MYH15: variants seen among roughly 807,000 people sequenced by gnomAD.
MYH15 encodes the protein myosin-15.
Under a neutral mutation model 240.5 loss-of-function variants are expected in MYH15, and 227 were observed. The observed-to-expected ratio is 0.94, with a 90% CI of 0.85 to 1.05. The LOEUF is 1.05. Ranked by LOEUF, MYH15 falls within the 50% of genes least tolerant of loss-of-function variation. The pLI is 0.00. For missense variants in MYH15, 2,217 were observed against 2,247.5 expected, an observed-to-expected ratio of 0.99 and a Z score of 0.27; for synonymous variants, 785 against 796.7, an observed-to-expected ratio of 0.99 and a Z score of 0.25.
In MYH15 at chr3:108,421,094, C is replaced by T. The variant is rs1380182896; in HGVS notation, c.3823G>A (p.Glu1275Lys). The change falls in exon 28 of 41, where the codon GAG (glutamate) becomes AAG (lysine). Residue 1275 changes from glutamate (E) to lysine (K), a missense_variant. Transcript: ENST00000693548. ...LAAQKTKLWS[E>K]SGEFLRRLEE... ...AAGCAGCATACTTACTTACCACTCTCACTCCACAGCTTTGTCTTTTGTGCT... is the reference window on the plus strand; with the variant it reads ...AAGCAGCATACTTACTTACCACTCTTACTCCACAGCTTTGTCTTTTGTGCT... 1.2e-6 allele frequency: 2 copies of T among 1,613,978 alleles called. No homozygotes were observed. Among genetic ancestry groups the T allele is most frequent in the South Asian group, 1.1e-5 (1 of 91,072 alleles).
At chr3:108,508,532 C>A (rs2083496556) in intron 1 of MYH15, among the ~76,000 whole-genome samples, 1 of 152,118 alleles carries the variant, frequency 6.6e-6, no homozygotes, top group African/African-American at 2.4e-5. Flanking sequence ...TATATGATTC[C>A]ATTTTTTAGA....
chr3:108,488,268 G>A (rs1019425787), intron 9 of MYH15, among the ~76,000 whole-genome samples: 15 of 151,972 alleles, frequency 9.9e-5, no homozygotes, highest in Non-Finnish European at 1.9e-4. Context: ...ATGTCCTTCA[G>A]GTTCATTCAT....
intron 38 of MYH15, among the ~76,000 whole-genome samples, chr3:108,386,445 C>T (rs982446988): frequency 6.6e-5 from 10 of 152,086 alleles, no homozygotes; most frequent in African/African-American, 2.2e-4. Context: ...CTTTGGGACC[C>T]GCCACAGCAT....
At chr3:108,465,206 TAG>T (rs1244726481) in intron 14 of MYH15, among the ~76,000 whole-genome samples, 3 of 152,284 alleles carry the variant, frequency 2.0e-5, no homozygotes, top group African/African-American at 4.8e-5. Context: ...AGGTTTTAGA[TAG>T]AGTCATTGGG....
At chr3:108,419,971 G>A (rs2082668877) in intron 28 of MYH15, among the ~76,000 whole-genome samples, 1 of 152,144 alleles carries the variant, frequency 6.6e-6, no homozygotes. Flanking sequence ...TCATAGCAGA[G>A]AGGCAAGTCA....
At chr3:108,424,020 T>C (rs2082706994) in intron 27 of MYH15, among the ~76,000 whole-genome samples, 1 of 152,230 alleles carries the variant, frequency 6.6e-6, no homozygotes, top group Non-Finnish European at 1.5e-5. Context: ...AGGAGGAACA[T>C]ATCCAGGTGT....
chr3:108,399,288 G>A, intron 33 of MYH15, 21 bp from the exon 34 acceptor site: 2 of 1,584,584 alleles, frequency 1.3e-6, no homozygotes, highest in South Asian at 2.2e-5. Context: ...ATAACATTTG[G>A]AGTGGGGGAA....
intron 22 of MYH15, among the ~76,000 whole-genome samples, chr3:108,442,758 A>G (rs2082894632): frequency 9.1e-6 from 1 of 110,134 alleles, no homozygotes; most frequent in South Asian, 3.8e-4. Flanking sequence ...GCAAAGAAGG[A>G]TTTCAAAATA....
the MYH15 span, among the ~76,000 whole-genome samples, chr3:108,537,412 C>T: frequency 2.0e-5 from 3 of 152,146 alleles, no homozygotes; most frequent in South Asian, 6.2e-4. Flanking sequence ...ATTTAATTGC[C>T]AATGTATTAA....
intron 25 of MYH15, among the ~76,000 whole-genome samples, chr3:108,435,111 T>C (rs1008266421): frequency 1.3e-5 from 2 of 152,226 alleles, no homozygotes; most frequent in African/African-American, 4.8e-5. Flanking sequence ...ATTTTTTATA[T>C]TTGTTACAAA....
intron 14 of MYH15, among the ~76,000 whole-genome samples, chr3:108,468,013 T>C (rs2083135621): frequency 6.6e-6 from 1 of 152,052 alleles, no homozygotes; most frequent in African/African-American, 2.4e-5. Flanking sequence ...TTGCCCAGGC[T>C]GGAGTGCAGT....
chr3:108,468,805 C>T (rs1291758444), intron 14 of MYH15, among the ~76,000 whole-genome samples: 1 of 152,152 alleles, frequency 6.6e-6, no homozygotes, highest in Non-Finnish European at 1.5e-5. Context: ...ACGTTCCTGC[C>T]TGAAAACAGT....
chr3:108,513,713 T>C (rs990969977), upstream of MYH15, among the ~76,000 whole-genome samples: 2 of 152,160 alleles, frequency 1.3e-5, no homozygotes, highest in Non-Finnish European at 1.5e-5. Context: ...AATTGAGGAC[T>C]TGAGATGGCA....
chr3:108,465,226 C>A (rs2083104775), intron 14 of MYH15, among the ~76,000 whole-genome samples: 1 of 152,190 alleles, frequency 6.6e-6, no homozygotes, highest in Admixed American at 6.5e-5. Flanking sequence ...GGGTAAGACA[C>A]CTCTCCTGAA....
At position 108,405,463 on chromosome 3, in the gene MYH15, A is replaced by G; in HGVS notation, c.4621-10T>C. 6.9e-7 allele frequency: 1 copy of G among 1,447,118 alleles called. No individual in the cohort carries two copies. The highest frequency in any genetic ancestry group is 9.3e-7 in the Non-Finnish European group (1 of 1,075,314). 89.6% of individuals were successfully genotyped at this position (1,447,118 alleles called of 1,614,324 possible). ...TACGTTCCAGGGCTCCCTGGAATAC[A>G]TAAATAAAAAGCATTAAATGAAGTC... On this transcript the variant is annotated splice_polypyrimidine_tract_variant and intron_variant, in intron 32 of 40. Transcript: ENST00000693548.
At chr3:108,461,730 C>T (rs2083073392) in intron 16 of MYH15, 1 of 152,170 alleles carries the variant, frequency 6.6e-6, no homozygotes, top group African/African-American at 2.4e-5. Flanking sequence ...TAGCCGGGTC[C>T]AGTCACAATA....
chr3:108,486,551 A>G, intron 9 of MYH15, 25 bp from the exon 10 acceptor site: 1 of 1,514,790 alleles, frequency 6.6e-7, no homozygotes, highest in Non-Finnish European at 9.1e-7. Context: ...CGATTCGTTA[A>G]ACAGCTTAAA....
At chr3:108,503,478 T>TA (rs995678173) in intron 2 of MYH15, among the ~76,000 whole-genome samples, 5 of 151,972 alleles carry the variant, frequency 3.3e-5, no homozygotes, top group African/African-American at 7.2e-5. Context: ...TAGCCCAATT[T>TA]AAAAAAATGG....
chr3:108,441,601 T>C (rs368417018), intron 22 of MYH15, among the ~76,000 whole-genome samples: 259 of 152,274 alleles, frequency 1.7e-3, no homozygotes, highest in African/African-American at 5.9e-3. Context: ...TCTGGAAATA[T>C]CCATGTAGGC....
Sources: allele counts gnomAD v4.1 joint callset (sites outside exome capture counted in the v4.1 genomes callset), GRCh38; gene constraint gnomAD v4.1.1; transcripts MANE v1.5; gene names NCBI Gene and HGNC (gene_info 2026-07-23, HGNC 2026-07-21).